The following ERN1 variants were observed in gnomAD, a reference collection of about 807,000 sequenced individuals.
ERN1 encodes serine/threonine-protein kinase/endoribonuclease IRE1.
Under a neutral mutation model 113.1 loss-of-function variants are expected in ERN1, and 39 were observed. That is an observed-to-expected ratio of 0.34 (90% CI 0.27 to 0.45). The LOEUF is 0.45. ERN1 is among the 20% of genes least tolerant of loss of function. The pLI, the probability that ERN1 is intolerant of heterozygous loss-of-function variation, is 1.00. For synonymous variants in ERN1, 507 were observed against 515.9 expected, an observed-to-expected ratio of 0.98 and a Z score of 0.23; for missense variants, 976 against 1,274.8, an observed-to-expected ratio of 0.77 and a Z score of 3.57.
At chr17:64,084,230 T>C (rs1432218649) in intron 2 of ERN1, among the ~76,000 whole-genome samples, 1 of 152,000 alleles carries the variant, frequency 6.6e-6, no homozygotes, top group Non-Finnish European at 1.5e-5. Flanking sequence ...GTACCACCAT[T>C]CTCCTAGAAG....
At chr17:64,116,878 G>A (rs1410648888) in intron 1 of ERN1, among the ~76,000 whole-genome samples, 1 of 151,408 alleles carries the variant, frequency 6.6e-6, no homozygotes, top group African/African-American at 2.4e-5. Flanking sequence ...GCCGAGGTGG[G>A]CGGATCACAA....
intron 10 of ERN1, 55 bp from the exon 11 acceptor site, chr17:64,060,642 C>T (rs1913025595): frequency 1.5e-6 from 2 of 1,329,720 alleles, no homozygotes; most frequent in East Asian, 2.3e-5. Flanking sequence ...TGTGGTGGCA[C>T]TCAATGCTAA....
At chr17:64,052,466 C>G (rs1912713948) in intron 17 of ERN1, among the ~76,000 whole-genome samples, 1 of 150,788 alleles carries the variant, frequency 6.6e-6, no homozygotes, top group Admixed American at 6.6e-5. Flanking sequence ...GATCATGCCA[C>G]TACACTCCAG....
chr17:64,054,310 C>T lies in ERN1; in HGVS notation c.1893G>A (p.Thr631=), dbSNP rs775864806. Residue 631 remains threonine, a synonymous_variant, in exon 15 of 22, where the codon ACG becomes ACA. Transcript: ENST00000433197. This position sits in a 1 kb window ranked among gnomAD's most constrained non-coding sequence, Gnocchi z 4.9. ...TGTACTGGAATTGCCGGTCCTTCTC[C>T]GTGCAGAAGTAGCGGATCACGTTCG... ...EHPNVIRYFC[T]EKDRQFQYIA... 3.7e-6 allele frequency: 6 copies of T among 1,613,876 alleles called. No individual in the cohort carries two copies. Among genetic ancestry groups the T allele is most frequent in the South Asian group, 2.2e-5 (2 of 91,004 alleles).
chr17:64,052,772 T>C lies in ERN1; in HGVS notation c.2253+8A>G, dbSNP rs1228235407. The C allele has an allele frequency of 1.2e-6, 2 of 1,611,684 alleles. No individual in the cohort carries two copies. The highest frequency in any genetic ancestry group is 1.3e-5 in the African/African-American group (1 of 74,996). ...GTAGTTTTCAAAGGGCCATAGCCTA[T>C]TACTCACAGGGTTCTCCTTACAGTC... is the stretch of plus-strand genomic sequence containing the variant. On this transcript the variant is annotated splice_region_variant and intron_variant, in intron 17 of 21. Coordinates refer to ENST00000433197, the MANE Select transcript of ERN1 (RefSeq NM_001433.5).
At chr17:64,089,786 G>A (rs1914038917) in intron 2 of ERN1, among the ~76,000 whole-genome samples, 1 of 152,138 alleles carries the variant, frequency 6.6e-6, no homozygotes, top group Non-Finnish European at 1.5e-5. Flanking sequence ...AGAAAGGAAC[G>A]ATTTAAAGGT....
At chr17:64,069,339 A>G (rs1428814471) in intron 6 of ERN1, among the ~76,000 whole-genome samples, 1 of 152,260 alleles carries the variant, frequency 6.6e-6, no homozygotes, top group Non-Finnish European at 1.5e-5. Flanking sequence ...AAGGAGTGGT[A>G]TCAGCATAGA....
At chr17:64,069,835 G>C (rs1370720582) in intron 6 of ERN1, among the ~76,000 whole-genome samples, 2 of 152,144 alleles carry the variant, frequency 1.3e-5, no homozygotes, top group Non-Finnish European at 2.9e-5. Context: ...AATGAGAGGT[G>C]AGATTTTGGG....
At chr17:64,052,715 T>C in intron 17 of ERN1, 65 bp downstream of exon 17, 53 of 1,472,824 alleles carry the variant, frequency 3.6e-5, no homozygotes, top group Non-Finnish European at 4.8e-5. Flanking sequence ...AATTTAAAGG[T>C]TCTACTCCTG....
chr17:64,058,382 G>A (rs937207826), intron 11 of ERN1, among the ~76,000 whole-genome samples: 1 of 152,126 alleles, frequency 6.6e-6, no homozygotes, highest in African/African-American at 2.4e-5. Flanking sequence ...ATTGGTATTT[G>A]ATTTAATAAT....
chr17:64,130,008 G>C lies in ERN1; in HGVS notation c.22C>G (p.Leu8Val). The C allele has an allele frequency of 6.9e-7, 1 of 1,442,712 alleles. No homozygotes were observed. The allele number at this position is 1,442,712 out of a possible 1,614,324, so 89.4% of individuals were successfully genotyped here. A position where few individuals can be genotyped will look rare whatever the true frequency, so the allele number is the denominator to read the frequency against. MPARRLL[L>V]LLTLLLPGLG... ...CCGGGCAGCAGCAGCGTCAGCAGCA[G>C]CAGCAGCCGCCGGGCCGGCATGGCG... The change falls in exon 1 of 22, where the codon CTG (leucine) becomes GTG (valine). Residue 8 changes from leucine to valine, a missense_variant. By Grantham distance (32) the Leu-to-Val change is conservative. Around this residue, in one of 5 missense-constraint regions of ERN1, gnomAD observed 459 missense variants for 581.2 expected, o/e 0.79. Coordinates refer to ENST00000433197, the MANE Select transcript of ERN1 (RefSeq NM_001433.5). The surrounding 1 kb of genome is among the most constrained non-coding windows in gnomAD (Gnocchi z 4.0).
chr17:64,127,757 C>CA (rs775462648), intron 1 of ERN1, among the ~76,000 whole-genome samples: 18,379 of 87,768 alleles, frequency 0.21, 2,494 homozygotes, highest in African/African-American at 0.44. Context: ...AACTCCATAT[C>CA]AAAAAAAAAA....
rs1018823544 is a variant in ERN1, at chr17:64,102,929, G to C, written c.55-4688C>G. The C allele has an allele frequency of 3.0e-6, 3 of 985,212 alleles. No homozygotes were observed. In the African/African-American group the frequency reaches 5.2e-5, roughly 17 times the overall value. The allele number at this position is 985,212 out of a possible 1,614,324, so 61.0% of individuals were successfully genotyped here. On this transcript the variant is annotated intron_variant, in intron 1 of 21. Coordinates refer to ENST00000433197, the MANE Select transcript of ERN1 (RefSeq NM_001433.5). ...AAAAAAAAGTGGAATATATACTCCT[G>C]GCTTTGATGGTGACTTGTAGGAAGT...
intron 2 of ERN1, among the ~76,000 whole-genome samples, chr17:64,083,261 G>T (rs1913824801): frequency 6.6e-6 from 1 of 152,088 alleles, no homozygotes; most frequent in Non-Finnish European, 1.5e-5. Context: ...ATTAAAAAAG[G>T]TTAAAGAGAA....
intron 2 of ERN1, among the ~76,000 whole-genome samples, chr17:64,082,137 T>A (rs78029970): frequency 0.088 from 13,467 of 152,260 alleles, 649 homozygotes; most frequent in African/African-American, 0.11. Context: ...TATCATATGT[T>A]GACTTTGCTT....
chr17:64,054,896 A>G lies in ERN1; in HGVS notation c.1673-68T>C, dbSNP rs1598048197. The G allele has an allele frequency of 2.5e-6, 3 of 1,182,848 alleles. No homozygotes were observed. The highest frequency in any genetic ancestry group is 2.5e-5 in the East Asian group (1 of 39,582). The allele number at this position is 1,182,848 out of a possible 1,614,324, so 73.3% of individuals were successfully genotyped here. A position where few individuals can be genotyped will look rare whatever the true frequency, so the allele number is the denominator to read the frequency against. ...ACCTAAAGAACCTTGAGGTTAACAT[A>G]GTGACAAGCTTCCTGACCTCAGATT... On this transcript the variant is annotated intron_variant, in intron 13 of 21. Coordinates refer to ENST00000433197, the MANE Select transcript of ERN1 (RefSeq NM_001433.5). This position sits in a 1 kb window ranked among gnomAD's most constrained non-coding sequence, Gnocchi z 4.9.
At chr17:64,117,178 C>T (rs1914829923) in intron 1 of ERN1, among the ~76,000 whole-genome samples, 2 of 152,018 alleles carry the variant, frequency 1.3e-5, no homozygotes, top group Non-Finnish European at 2.9e-5. Flanking sequence ...CGCAGTGGCT[C>T]ATGCCTGTAA....
chr17:64,061,450 A>G (rs1913052094), intron 10 of ERN1, among the ~76,000 whole-genome samples: 1 of 152,166 alleles, frequency 6.6e-6, no homozygotes, highest in Non-Finnish European at 1.5e-5. Flanking sequence ...GTTCCCCTAA[A>G]CCTATCAAAG....
intron 6 of ERN1, among the ~76,000 whole-genome samples, chr17:64,069,448 A>G (rs1913339871): frequency 6.6e-6 from 1 of 152,166 alleles, no homozygotes; most frequent in African/African-American, 2.4e-5. Context: ...AAAACTGGCC[A>G]TTTGTTATGG....
Sources: allele counts gnomAD v4.1 joint callset (sites outside exome capture counted in the v4.1 genomes callset), GRCh38; gene constraint gnomAD v4.1.1; regional missense constraint gnomAD v4.1.1; non-coding constraint Gnocchi (gnomAD v3.1); transcripts MANE v1.5; gene names NCBI Gene and HGNC (gene_info 2026-07-23, HGNC 2026-07-21).